FAM117A: variants seen among roughly 807,000 people sequenced by gnomAD.
FAM117A encodes protein FAM117A.
FAM117A carries 21 observed loss-of-function variants against 44.1 expected under a neutral mutation model. That is an observed-to-expected ratio of 0.48 (90% confidence interval 0.34 to 0.69). The LOEUF is 0.69. FAM117A is among the 30% of genes least tolerant of loss of function. The pLI is 0.01. For synonymous variants in FAM117A, 220 were observed against 238.3 expected (o/e 0.92, Z 0.71); for missense variants, 498 against 589.9 (o/e 0.84, Z 1.61).
intron 1 of FAM117A, among the ~76,000 whole-genome samples, chr17:49,772,376 G>C (rs2073763550): frequency 6.6e-6 from 1 of 151,998 alleles, no homozygotes; most frequent in African/African-American, 2.4e-5. Context: ...GAGAGGTCTA[G>C]GTGGGTGGAT....
At chr17:49,746,657 C>A (rs1273071189) in intron 1 of FAM117A, among the ~76,000 whole-genome samples, 3 of 152,146 alleles carry the variant, frequency 2.0e-5, no homozygotes, top group African/African-American at 4.8e-5. Flanking sequence ...TGGGATATAA[C>A]CTCAGATATA....
At chr17:49,758,578 C>T (rs1340869072) in intron 1 of FAM117A, among the ~76,000 whole-genome samples, 4 of 149,012 alleles carry the variant, frequency 2.7e-5, no homozygotes, top group African/African-American at 5.0e-5. Flanking sequence ...GAGCCGAGAT[C>T]GTGCCATTGC....
chr17:49,731,524 T>G (rs888635102), intron 2 of FAM117A, among the ~76,000 whole-genome samples: 4 of 152,216 alleles, frequency 2.6e-5, no homozygotes, highest in African/African-American at 9.6e-5. Flanking sequence ...CTTTCCGAGC[T>G]TGGGATTCTT....
intron 1 of FAM117A, among the ~76,000 whole-genome samples, chr17:49,785,803 T>C (rs568931796): frequency 6.6e-6 from 1 of 152,278 alleles, no homozygotes; most frequent in African/African-American, 2.4e-5. Flanking sequence ...AAAGATTTTC[T>C]GAAAAAATAA....
chr17:49,761,799 A>G (rs1598034448), intron 1 of FAM117A, among the ~76,000 whole-genome samples: 1 of 152,238 alleles, frequency 6.6e-6, no homozygotes, highest in East Asian at 1.9e-4. Flanking sequence ...AACAGAGGCC[A>G]GGTACATTCC....
chr17:49,730,322 TG>T (rs755880519), intron 2 of FAM117A, among the ~76,000 whole-genome samples: 22 of 152,356 alleles, frequency 1.4e-4, no homozygotes, highest in Non-Finnish European at 2.4e-4. Flanking sequence ...TGTCTTGCTG[TG>T]GCAAGAAGCC....
intron 1 of FAM117A, among the ~76,000 whole-genome samples, chr17:49,755,706 G>C (rs547973889): frequency 1.3e-5 from 2 of 152,228 alleles, no homozygotes; most frequent in African/African-American, 4.8e-5. Flanking sequence ...TTTAAAGAAA[G>C]AGAGAATACT....
At chr17:49,746,997 A>G (rs980878119) in intron 1 of FAM117A, among the ~76,000 whole-genome samples, 1 of 152,224 alleles carries the variant, frequency 6.6e-6, no homozygotes, top group African/African-American at 2.4e-5. Flanking sequence ...CCTTGAAGAC[A>G]GGAAACTGTA....
chr17:49,786,503 G>C (rs1449396599), intron 1 of FAM117A, among the ~76,000 whole-genome samples: 2 of 152,174 alleles, frequency 1.3e-5, no homozygotes, highest in East Asian at 3.8e-4. Flanking sequence ...TGAGCCAGGC[G>C]CAGTGGCTCA....
At chr17:49,788,142 C>T (rs563110035) in intron 1 of FAM117A, among the ~76,000 whole-genome samples, 28 of 152,324 alleles carry the variant, frequency 1.8e-4, no homozygotes, top group African/African-American at 6.7e-4. Context: ...GACAATGTCT[C>T]CTCTACCAGA....
chr17:49,779,488 A>AG (rs2073783509), intron 1 of FAM117A, among the ~76,000 whole-genome samples: 1 of 152,176 alleles, frequency 6.6e-6, no homozygotes, highest in African/African-American at 2.4e-5. Flanking sequence ...GGCAGGGTGG[A>AG]GGGTGGGTGG....
At chr17:49,788,789 T>C (rs954664704), upstream of FAM117A, 1 of 1,563,894 alleles carries the variant, frequency 6.4e-7, no homozygotes, top group Middle Eastern at 1.7e-4. Flanking sequence ...TTCCTGCTGC[T>C]GCCGCCGCTG....
At chr17:49,766,525 T>C (rs2073746305), upstream of FAM117A, among the ~76,000 whole-genome samples, 1 of 152,210 alleles carries the variant, frequency 6.6e-6, no homozygotes, top group South Asian at 2.1e-4. Context: ...GATTCAATGC[T>C]TTCCCAACCA....
upstream of FAM117A, chr17:49,788,913 G>T (rs368552248): frequency 1.9e-5 from 28 of 1,450,472 alleles, no homozygotes; most frequent in African/African-American, 2.9e-5. Flanking sequence ...CCGTGACGCA[G>T]TTGGCCACGC....
At chr17:49,718,292 A>G (rs2073514717) in intron 5 of FAM117A, among the ~76,000 whole-genome samples, 1 of 152,252 alleles carries the variant, frequency 6.6e-6, no homozygotes, top group Admixed American at 6.5e-5. Context: ...TAGGTAAATC[A>G]TAAACTGAGA....
At chr17:49,766,934 A>T (rs2073747397), upstream of FAM117A, among the ~76,000 whole-genome samples, 1 of 152,232 alleles carries the variant, frequency 6.6e-6, no homozygotes, top group Non-Finnish European at 1.5e-5. Context: ...ACCAGAAATT[A>T]AGAACCTGGA....
rs1245873415 is a variant in FAM117A, at chr17:49,720,314, G to A, written c.573+12C>T. 1.9e-6 allele frequency: 3 copies of A among 1,602,998 alleles called. No individual in the cohort carries two copies. In the Admixed American group the frequency reaches 5.0e-5, roughly 27 times the overall value. ...GAGAACAGAGGGGAGAGGGCTGGGG[G>A]AGAAAACATACCCTCAGTGCTCCCC... On this transcript the variant is annotated intron_variant, in intron 4 of 7. Transcript: ENST00000240364.
At chr17:49,726,151 G>A (rs1407394062) in intron 2 of FAM117A, among the ~76,000 whole-genome samples, 1 of 152,194 alleles carries the variant, frequency 6.6e-6, no homozygotes, top group South Asian at 2.1e-4. Flanking sequence ...TGTTAAAGCA[G>A]CCTCAGAAAC....
chr17:49,781,246 G>A (rs983555883), intron 1 of FAM117A, among the ~76,000 whole-genome samples: 15 of 152,192 alleles, frequency 9.9e-5, no homozygotes, highest in East Asian at 1.9e-4. Flanking sequence ...TTTCCCAGAA[G>A]AGGAAACAGA....
Sources: allele counts gnomAD v4.1 joint callset (sites outside exome capture counted in the v4.1 genomes callset), GRCh38; gene constraint gnomAD v4.1.1; transcripts MANE v1.5; gene names NCBI Gene and HGNC (gene_info 2026-07-23, HGNC 2026-07-21).